The following FHIP2A variants were observed in gnomAD, a reference collection of about 807,000 sequenced individuals.
FHIP2A encodes family with sequence similarity 160 member B1.
A neutral mutation model predicts 93.5 loss-of-function variants in FHIP2A; 46 were observed. The observed-to-expected ratio is 0.49, with a 90% CI of 0.39 to 0.63. FHIP2A has a LOEUF of 0.63. Among genes scored for constraint, FHIP2A ranks in the 20% least tolerant of loss-of-function variants. The pLI is 0.00. For missense variants in FHIP2A, 769 were observed against 909.7 expected (o/e 0.85, Z 1.99); for synonymous variants, 332 against 326.5 (o/e 1.02, Z -0.18).
At chr10:114,883,645 G>T (rs547910350) in intron 16 of FHIP2A, among the ~76,000 whole-genome samples, 1 of 152,094 alleles carries the variant, frequency 6.6e-6, no homozygotes, top group South Asian at 2.1e-4. Flanking sequence ...GCAATGGCAC[G>T]ATCTCAGCTC....
At chr10:114,852,232 G>A (rs1041196679) in intron 13 of FHIP2A, among the ~76,000 whole-genome samples, 9 of 151,848 alleles carry the variant, frequency 5.9e-5, no homozygotes, top group African/African-American at 9.7e-5. Flanking sequence ...TCTATCAATG[G>A]CCCTCTTTTC....
chr10:114,831,394 T>G (rs1221567283), intron 2 of FHIP2A, among the ~76,000 whole-genome samples: 3 of 152,114 alleles, frequency 2.0e-5, no homozygotes, highest in African/African-American at 7.2e-5. Flanking sequence ...CCAAGCCTGC[T>G]AGATATCTGG....
chr10:114,853,043 G>A lies in FHIP2A; in HGVS notation c.1804-2154G>A, dbSNP rs115976306. On this transcript the variant is annotated intron_variant, in intron 13 of 16. Coordinates refer to ENST00000369248, the MANE Select transcript of FHIP2A (RefSeq NM_020940.4). ...TTCCCAACAGTAAAGGTAACTACTC[G>A]TCTTCATGCTCATGGCATTGTCTCT... is the stretch of plus-strand genomic sequence containing the variant. Among the ~76,000 whole-genome samples the A allele has an allele frequency of 6.3e-3, 957 of 152,078 alleles. 7 individuals are homozygous for A. The highest frequency in any genetic ancestry group is 0.021 in the African/African-American group (886 of 41,470).
chr10:114,889,090 G>A (rs995900949), intron 16 of FHIP2A, among the ~76,000 whole-genome samples: 2 of 152,064 alleles, frequency 1.3e-5, no homozygotes, highest in African/African-American at 2.4e-5. Flanking sequence ...AGGAGCTCTC[G>A]GAGGTAATTT....
intron 1 of FHIP2A, among the ~76,000 whole-genome samples, chr10:114,827,034 C>T (rs1342185153): frequency 6.6e-6 from 1 of 152,124 alleles, no homozygotes; most frequent in Non-Finnish European, 1.5e-5. Flanking sequence ...GTTGATGATA[C>T]ATGAGACACA....
At chr10:114,830,270 C>CTT (rs5788083) in intron 1 of FHIP2A, among the ~76,000 whole-genome samples, 2,345 of 105,420 alleles carry the variant, frequency 0.022, 164 homozygotes, top group African/African-American at 0.073. Context: ...CTGAAACCTA[C>CTT]TTTTTTTTTT....
In FHIP2A at chr10:114,861,996, A is replaced by G; in HGVS notation, c.*456A>G. On this transcript the variant is annotated 3_prime_UTR_variant, in exon 17 of 17. Transcript: ENST00000369248. ...AATTTTATAACTTTTTAAGGTCAGAATTCTTATCAAACAAAATATGAAAAC... is the reference window on the plus strand; with the variant it reads ...AATTTTATAACTTTTTAAGGTCAGAGTTCTTATCAAACAAAATATGAAAAC... The G allele has an allele frequency of 3.7e-5, 36 of 976,490 alleles. No individual in the cohort carries two copies. The highest frequency in any genetic ancestry group is 4.4e-5 in the Non-Finnish European group (36 of 821,344). 60.5% of individuals were successfully genotyped at this position (976,490 alleles called of 1,614,324 possible).
intron 3 of FHIP2A, among the ~76,000 whole-genome samples, chr10:114,833,706 A>G (rs1464990602): frequency 6.6e-6 from 1 of 152,240 alleles, no homozygotes; most frequent in African/African-American, 2.4e-5. Context: ...GAAGTCAGTT[A>G]AAATAGGATT....
intron 2 of FHIP2A, 70 bp from the exon 3 acceptor site, chr10:114,833,163 A>G: frequency 1.7e-6 from 2 of 1,182,366 alleles, no homozygotes; most frequent in Admixed American, 2.4e-5. Flanking sequence ...AGGGAAATAC[A>G]GAGTATTTTA....
intron 16 of FHIP2A, among the ~76,000 whole-genome samples, chr10:114,878,846 T>C (rs2083903038): frequency 6.6e-6 from 1 of 151,714 alleles, no homozygotes; most frequent in Non-Finnish European, 1.5e-5. Context: ...ATAGGTGTCC[T>C]CTACAATCTG....
downstream of FHIP2A, among the ~76,000 whole-genome samples, chr10:114,867,208 C>CAAAA (rs11392511): frequency 8.1e-6 from 1 of 123,808 alleles, no homozygotes; most frequent in Non-Finnish European, 1.7e-5. Context: ...GACTCCATCT[C>CAAAA]AAAAAAAAAA....
At chr10:114,827,159 T>G (rs1045693660) in intron 1 of FHIP2A, among the ~76,000 whole-genome samples, 1 of 152,222 alleles carries the variant, frequency 6.6e-6, no homozygotes, top group Non-Finnish European at 1.5e-5. Context: ...AGGCAGTGTT[T>G]CCTTGGGTAA....
At chr10:114,876,280 G>T (rs1372405713) in intron 16 of FHIP2A, among the ~76,000 whole-genome samples, 1 of 152,144 alleles carries the variant, frequency 6.6e-6, no homozygotes, top group Non-Finnish European at 1.5e-5. Context: ...GCAGGTCCAC[G>T]TCATCTCTGG....
In FHIP2A at chr10:114,846,233, A is replaced by G. The variant is rs764159717; in HGVS notation, c.1264A>G (p.Thr422Ala). The change falls in exon 10 of 17, where the codon ACC (threonine) becomes GCC (alanine). Residue 422 changes from threonine to alanine, a missense_variant. By Grantham distance (58) the Thr-to-Ala change is moderately conservative. Transcript: ENST00000369248. ...GCTTCATCGCATCGTTCGGCAAGTGACCTCTGATGTTTTGCTTCAAGAAAT... is the reference window on the plus strand; with the variant it reads ...GCTTCATCGCATCGTTCGGCAAGTGGCCTCTGATGTTTTGCTTCAAGAAAT... ...ALLHRIVRQVTSDVLLQEMVF... is the reference protein window; with the variant it reads ...ALLHRIVRQVASDVLLQEMVF... 2 of 1,614,144 alleles carry G rather than the reference A, an allele frequency of 1.2e-6. No individual in the cohort carries two copies. The highest frequency in any genetic ancestry group is 1.7e-6 in the Non-Finnish European group (2 of 1,180,020).
At position 114,861,991 on chromosome 10, in the gene FHIP2A, T is replaced by G. The variant is rs963421446; in HGVS notation, c.*451T>G. On this transcript the variant is annotated 3_prime_UTR_variant, in exon 17 of 17. Coordinates refer to ENST00000369248, the MANE Select transcript of FHIP2A (RefSeq NM_020940.4). ...TCACTAATTTTATAACTTTTTAAGG[T>G]CAGAATTCTTATCAAACAAAATATG... 12 of 977,850 alleles carry G rather than the reference T, an allele frequency of 1.2e-5. No homozygotes were observed. Among genetic ancestry groups the G allele is most frequent in the Non-Finnish European group, 1.3e-5 (11 of 822,632 alleles). The allele number at this position is 977,850 out of a possible 1,614,324, so 60.6% of individuals were successfully genotyped here.
In FHIP2A at chr10:114,862,086, T is replaced by G; in HGVS notation, c.*546T>G. On this transcript the variant is annotated 3_prime_UTR_variant, in exon 17 of 17. Transcript: ENST00000369248. Reference sequence around the variant, plus strand: ...GAATTAATTATAGGCGATAAAAATGTGTAGAGCACCATTAACTTTCTTCAG... The same window carrying G: ...GAATTAATTATAGGCGATAAAAATGGGTAGAGCACCATTAACTTTCTTCAG... 1.0e-6 allele frequency: 1 copy of G among 956,238 alleles called. No homozygotes were observed. Among genetic ancestry groups the G allele is most frequent in the Non-Finnish European group, 1.2e-6 (1 of 803,124 alleles). The allele number at this position is 956,238 out of a possible 1,614,324, so 59.2% of individuals were successfully genotyped here.
intron 13 of FHIP2A, among the ~76,000 whole-genome samples, chr10:114,852,795 C>T (rs186860276): frequency 3.9e-4 from 60 of 152,276 alleles, no homozygotes; most frequent in African/African-American, 1.3e-3. Context: ...AAGATCCTTT[C>T]GGATCAATTT....
chr10:114,833,047 G>A (rs1287954906), intron 2 of FHIP2A, among the ~76,000 whole-genome samples, 186 bp from the exon 3 acceptor site: 2 of 152,058 alleles, frequency 1.3e-5, no homozygotes, highest in Non-Finnish European at 2.9e-5. Flanking sequence ...TTTAGGGTAA[G>A]AATATGACAA....
chr10:114,894,439 T>A (rs1013671436), intron 16 of FHIP2A, among the ~76,000 whole-genome samples: 2 of 149,934 alleles, frequency 1.3e-5, no homozygotes, highest in African/African-American at 4.9e-5. Context: ...TGGTAGCACA[T>A]GCCTTGTAGT....
Sources: allele counts gnomAD v4.1 joint callset (sites outside exome capture counted in the v4.1 genomes callset), GRCh38; gene constraint gnomAD v4.1.1; transcripts MANE v1.5; gene names NCBI Gene and HGNC (gene_info 2026-07-23, HGNC 2026-07-21).